Variants in GRID2 observed in about 807,000 individuals in gnomAD.
The protein encoded by GRID2 is glutamate receptor ionotropic, delta-2.
In GRID2, 33 loss-of-function variants were observed where a neutral mutation model predicts 114.8. That is an observed-to-expected ratio of 0.29 (90% CI 0.22 to 0.38). The LOEUF (loss-of-function observed/expected upper bound fraction) is 0.38. Among genes scored for constraint, GRID2 ranks in the 10% least tolerant of loss-of-function variants. The pLI is 1.00. For missense variants in GRID2, 1,184 were observed against 1,257.7 expected (o/e 0.94, Z 0.89); for synonymous variants, 505 against 449.9 (o/e 1.12, Z -1.55).
chr4:93,672,100 C>T (rs904212365), intron 14 of GRID2, among the ~76,000 whole-genome samples: 2 of 152,180 alleles, frequency 1.3e-5, no homozygotes, highest in Admixed American at 1.3e-4. Flanking sequence ...TTTGCTGCTC[C>T]CCTCACTACC....
chr4:92,714,403 C>T (rs1011501051), intron 2 of GRID2, among the ~76,000 whole-genome samples: 7 of 152,182 alleles, frequency 4.6e-5, no homozygotes, highest in Non-Finnish European at 1.0e-4. Context: ...GCACATTATG[C>T]AAGCTGTCAG....
chr4:93,343,346 G>C (rs980549528), intron 8 of GRID2, among the ~76,000 whole-genome samples: 1 of 152,052 alleles, frequency 6.6e-6, no homozygotes, highest in African/African-American at 2.4e-5. Context: ...AAAAGATGGG[G>C]CATAGTGTCA....
chr4:93,613,140 C>G (rs1348358492), intron 13 of GRID2, among the ~76,000 whole-genome samples: 1 of 148,564 alleles, frequency 6.7e-6, no homozygotes, highest in South Asian at 2.2e-4. Flanking sequence ...ACGTAGTTCT[C>G]GAGCCTTGGT....
At chr4:93,279,182 G>T (rs767442093) in intron 8 of GRID2, among the ~76,000 whole-genome samples, 1 of 151,270 alleles carries the variant, frequency 6.6e-6, no homozygotes, top group Non-Finnish European at 1.5e-5. Flanking sequence ...TAAGTATATG[G>T]CATCTTGAGT....
chr4:93,061,196 GTT>G (rs752045329), intron 2 of GRID2, among the ~76,000 whole-genome samples: 3,190 of 112,686 alleles, frequency 0.028, 55 homozygotes, highest in Middle Eastern at 0.071. Context: ...GGTTTTTCTT[GTT>G]TTTTTTTTTT....
chr4:93,491,208 T>C (rs1726970947), intron 12 of GRID2, among the ~76,000 whole-genome samples: 1 of 151,792 alleles, frequency 6.6e-6, no homozygotes. Flanking sequence ...AGACGGATGA[T>C]TGGGGATTGG....
At chr4:92,628,707 G>T (rs1316204896) in intron 2 of GRID2, among the ~76,000 whole-genome samples, 1 of 151,968 alleles carries the variant, frequency 6.6e-6, no homozygotes, top group Non-Finnish European at 1.5e-5. Context: ...TTTCATCCAT[G>T]CCTGCACCCA....
chr4:93,075,635 C>A (rs999750950), intron 2 of GRID2, among the ~76,000 whole-genome samples: 2 of 152,002 alleles, frequency 1.3e-5, no homozygotes, highest in Admixed American at 1.3e-4. Context: ...GAGATTAATA[C>A]ACAAAATCTT....
intron 2 of GRID2, among the ~76,000 whole-genome samples, chr4:92,750,142 T>C (rs991393932): frequency 2.6e-5 from 4 of 152,168 alleles, no homozygotes; most frequent in Non-Finnish European, 4.4e-5. Flanking sequence ...ATTACAGATA[T>C]GAGCCACCGC....
intron 14 of GRID2, among the ~76,000 whole-genome samples, chr4:93,755,290 G>A (rs998108701): frequency 6.6e-6 from 1 of 152,158 alleles, no homozygotes; most frequent in Non-Finnish European, 1.5e-5. Flanking sequence ...TAATAGATAA[G>A]TCTCATTAAG....
At chr4:93,662,343 C>T (rs1723574472) in intron 14 of GRID2, among the ~76,000 whole-genome samples, 1 of 152,234 alleles carries the variant, frequency 6.6e-6, no homozygotes, top group East Asian at 1.9e-4. Flanking sequence ...ATTATGTTTA[C>T]CTGTGTCCTT....
At chr4:92,696,067 T>G (rs1734411526) in intron 2 of GRID2, among the ~76,000 whole-genome samples, 1 of 152,184 alleles carries the variant, frequency 6.6e-6, no homozygotes. Context: ...TTAGTTAATT[T>G]ATAGTATATG....
At chr4:93,761,834 G>A (rs1733237607) in intron 14 of GRID2, among the ~76,000 whole-genome samples, 1 of 152,144 alleles carries the variant, frequency 6.6e-6, no homozygotes, top group African/African-American at 2.4e-5. Flanking sequence ...ATCACTAAGA[G>A]ATTTTGCTTA....
chr4:93,250,440 C>T (rs1250703151), intron 8 of GRID2, among the ~76,000 whole-genome samples: 1 of 151,760 alleles, frequency 6.6e-6, no homozygotes, highest in Non-Finnish European at 1.5e-5. Context: ...CATGTGTATA[C>T]CTATGTAACA....
intron 1 of GRID2, among the ~76,000 whole-genome samples, chr4:92,467,489 G>A (rs1721812903): frequency 6.6e-6 from 1 of 151,926 alleles, no homozygotes; most frequent in Non-Finnish European, 1.5e-5. Flanking sequence ...TACCCCTTGA[G>A]TGAGACTTTA....
chr4:92,701,183 G>T (rs1047112240), intron 2 of GRID2, among the ~76,000 whole-genome samples: 4 of 151,982 alleles, frequency 2.6e-5, no homozygotes, highest in African/African-American at 9.7e-5. Flanking sequence ...GGGTTGTTGT[G>T]AGAATTAAAT....
chr4:92,782,318 A>G (rs1373925580), intron 2 of GRID2, among the ~76,000 whole-genome samples: 1 of 152,044 alleles, frequency 6.6e-6, no homozygotes, highest in Non-Finnish European at 1.5e-5. Flanking sequence ...CTTATTTATT[A>G]TCTTAGCGTT....
intron 10 of GRID2, among the ~76,000 whole-genome samples, chr4:93,438,651 A>T (rs2149388903): frequency 6.6e-6 from 1 of 152,200 alleles, no homozygotes; most frequent in Non-Finnish European, 1.5e-5. Context: ...AACAAAAAGA[A>T]TGAGTCTGAG....
chr4:93,588,415 G>A (rs1265330343), intron 13 of GRID2, among the ~76,000 whole-genome samples: 2 of 152,120 alleles, frequency 1.3e-5, no homozygotes, highest in African/African-American at 4.8e-5. Flanking sequence ...AGGGTTCAGA[G>A]TTATAGATAA....
Sources: gnomAD v4.1 joint callset for allele counts (sites outside exome capture counted in the v4.1 genomes callset) on GRCh38, gnomAD v4.1.1 for gene constraint, MANE v1.5 for transcripts, NCBI Gene and HGNC (gene_info 2026-07-23, HGNC 2026-07-21) for gene names.